Variants in ANKFN1 observed in about 807,000 individuals in gnomAD.
ANKFN1 encodes ankyrin repeat and fibronectin type-III domain-containing protein 1.
Under a neutral mutation model 108.7 loss-of-function variants are expected in ANKFN1, and 74 were observed. That is an observed-to-expected ratio of 0.68 (90% CI 0.56 to 0.83). The LOEUF (loss-of-function observed/expected upper bound fraction) is 0.83, where lower values mean the gene tolerates loss of function less well. ANKFN1 is among the 40% of genes least tolerant of loss of function. The pLI is 0.00. For synonymous variants in ANKFN1, 547 were observed against 516.2 expected (o/e 1.06, Z -0.81); for missense variants, 1,505 against 1,382.3 (o/e 1.09, Z -1.41).
rs947493516 is a variant in ANKFN1, at chr17:56,511,166, C to T, written c.3338C>T (p.Pro1113Leu). The T allele has an allele frequency of 1.3e-6, 2 of 1,536,098 alleles. No individual in the cohort carries two copies. Among genetic ancestry groups the T allele is most frequent in the Admixed American group, 3.9e-5 (2 of 51,008 alleles). ...DEKPWASLSP[P>L]SGGRITLPSP... ...AAACCATGGGCAAGCTTGAGCCCGC[C>T]CTCTGGAGGCCGCATCACCCTGCCC... Residue 1113 changes from proline (P) to leucine (L), a missense_variant, in exon 21 of 21, where the codon CCC (proline) becomes CTC (leucine). Coordinates refer to ENST00000682825, the MANE Select transcript of ANKFN1 (RefSeq NM_001370326.1).
At chr17:56,216,239 G>C (rs1213985887) in intron 2 of ANKFN1, among the ~76,000 whole-genome samples, 1 of 152,200 alleles carries the variant, frequency 6.6e-6, no homozygotes, top group Non-Finnish European at 1.5e-5. Flanking sequence ...ATCCACAGCA[G>C]TTTTGAAAGC....
At chr17:56,354,252 C>T (rs765079444) in intron 6 of ANKFN1, among the ~76,000 whole-genome samples, 62 of 152,016 alleles carry the variant, frequency 4.1e-4, no homozygotes, top group Admixed American at 1.2e-3. Flanking sequence ...TAGAATATGC[C>T]GAATGGCATT....
intron 20 of ANKFN1, among the ~76,000 whole-genome samples, chr17:56,500,206 T>C (rs2051323981): frequency 6.6e-6 from 1 of 152,206 alleles, no homozygotes; most frequent in African/African-American, 2.4e-5. Context: ...AGACAATATA[T>C]TGTCAATACC....
chr17:56,098,207 C>T (rs2143212701), intron 4 of ANKFN1, among the ~76,000 whole-genome samples: 1 of 152,210 alleles, frequency 6.6e-6, no homozygotes, highest in South Asian at 2.1e-4. Flanking sequence ...GGAGGATGGC[C>T]CTACTGAAGT....
chr17:56,403,676 T>C (rs1486406700), intron 8 of ANKFN1, among the ~76,000 whole-genome samples: 1 of 152,188 alleles, frequency 6.6e-6, no homozygotes, highest in African/African-American at 2.4e-5. Flanking sequence ...TGGGGTACTG[T>C]TGCATTCATC....
At chr17:56,153,363 C>A (rs1434682544), upstream of ANKFN1, 11 of 963,148 alleles carry the variant, frequency 1.1e-5, no homozygotes, top group East Asian at 2.4e-4. Context: ...ACTCCTGGAG[C>A]CAAGCCGTGG....
intron 4 of ANKFN1, among the ~76,000 whole-genome samples, chr17:56,068,491 T>G (rs1258298995): frequency 6.6e-6 from 1 of 152,124 alleles, no homozygotes. Context: ...GTCTTTCCAT[T>G]GTCTCCCACT....
At chr17:56,054,784 G>A (rs959206979) in intron 4 of ANKFN1, among the ~76,000 whole-genome samples, 1 of 152,130 alleles carries the variant, frequency 6.6e-6, no homozygotes, top group African/African-American at 2.4e-5. Flanking sequence ...TACTCAGGAG[G>A]CTGAGGTGGG....
intron 4 of ANKFN1, among the ~76,000 whole-genome samples, chr17:56,079,528 G>A (rs1188128032): frequency 6.6e-6 from 1 of 152,134 alleles, no homozygotes; most frequent in African/African-American, 2.4e-5. Flanking sequence ...TAAGTGAAAA[G>A]AAGAAATAGA....
chr17:56,382,181 T>C (rs1425312593), intron 8 of ANKFN1, among the ~76,000 whole-genome samples: 1 of 152,220 alleles, frequency 6.6e-6, no homozygotes. Context: ...ATATTCAACA[T>C]TCTTAAAGAA....
chr17:56,510,956 G>A lies in ANKFN1; in HGVS notation c.3128G>A (p.Gly1043Asp). The A allele has an allele frequency of 6.5e-7, 1 of 1,536,112 alleles. No individual in the cohort carries two copies. Among genetic ancestry groups the A allele is most frequent in the East Asian group, 2.4e-5 (1 of 40,904 alleles). The change falls in exon 21 of 21, where the codon GGT becomes GAT. Residue 1043 changes from glycine to aspartate, a missense_variant. Transcript: ENST00000682825. Reference protein sequence around the residue: ...IYTQHLSQACGLAQEPKEAKR... With the variant: ...IYTQHLSQACDLAQEPKEAKR... ...ACACAGCACCTGTCCCAGGCCTGTG[G>A]TCTGGCCCAGGAGCCCAAGGAGGCC...
chr17:56,417,647 T>C (rs1226280816), intron 8 of ANKFN1, among the ~76,000 whole-genome samples: 1 of 152,240 alleles, frequency 6.6e-6, no homozygotes, highest in Non-Finnish European at 1.5e-5. Context: ...GGATATTTGC[T>C]CAGTCACCCA....
chr17:56,265,470 T>C (rs1030676236), intron 3 of ANKFN1, among the ~76,000 whole-genome samples: 1 of 152,174 alleles, frequency 6.6e-6, no homozygotes. Flanking sequence ...ATGTGGGGAT[T>C]ACAATTTGAG....
At chr17:56,345,253 T>C (rs548098720) in intron 4 of ANKFN1, among the ~76,000 whole-genome samples, 1 of 152,306 alleles carries the variant, frequency 6.6e-6, no homozygotes, top group South Asian at 2.1e-4. Flanking sequence ...TAGTATTCCA[T>C]GGTGTATATG....
At chr17:56,201,121 C>A (rs547145278) in intron 1 of ANKFN1, among the ~76,000 whole-genome samples, 1 of 152,244 alleles carries the variant, frequency 6.6e-6, no homozygotes, top group Non-Finnish European at 1.5e-5. Context: ...GCCTTCCCAC[C>A]ATTACTGTTG....
intron 3 of ANKFN1, among the ~76,000 whole-genome samples, chr17:56,269,485 T>C (rs1272685501): frequency 1.3e-5 from 2 of 152,224 alleles, no homozygotes; most frequent in Non-Finnish European, 2.9e-5. Context: ...CCCAAGGTCA[T>C]GGAGCTCATG....
chr17:56,350,511 T>A (rs2046217514), intron 4 of ANKFN1, among the ~76,000 whole-genome samples: 1 of 152,146 alleles, frequency 6.6e-6, no homozygotes. Context: ...ATGAATATGT[T>A]TATATAGTAA....
At chr17:56,287,985 G>A (rs932986789) in intron 3 of ANKFN1, among the ~76,000 whole-genome samples, 2 of 152,046 alleles carry the variant, frequency 1.3e-5, no homozygotes, top group Non-Finnish European at 2.9e-5. Flanking sequence ...ACCCTCAGAT[G>A]CCATTTAAAT....
chr17:56,155,832 A>G (rs943880701), intron 1 of ANKFN1, among the ~76,000 whole-genome samples: 1 of 152,208 alleles, frequency 6.6e-6, no homozygotes, highest in Non-Finnish European at 1.5e-5. Context: ...AGAAATAATT[A>G]TATCTGATCA....
Sources: gnomAD v4.1 joint callset for allele counts (sites outside exome capture counted in the v4.1 genomes callset) on GRCh38, gnomAD v4.1.1 for gene constraint, MANE v1.5 for transcripts, NCBI Gene and HGNC (gene_info 2026-07-23, HGNC 2026-07-21) for gene names.